The following LIMD1 variants were observed in gnomAD, a reference collection of about 807,000 sequenced individuals.
LIMD1 encodes the protein LIM domain containing 1.
Under a neutral mutation model 58.4 loss-of-function variants are expected in LIMD1, and 23 were observed. That is an observed-to-expected ratio of 0.39 (90% CI 0.28 to 0.56). LIMD1 has a LOEUF of 0.56. Ranked by LOEUF, LIMD1 falls within the 20% of genes least tolerant of loss-of-function variation. The pLI is 0.57. For synonymous variants in LIMD1, 334 were observed against 345.5 expected (o/e 0.97, Z 0.37); for missense variants, 838 against 855.5 (o/e 0.98, Z 0.25).
chr3:45,625,765 G>A (rs535492476), intron 1 of LIMD1, among the ~76,000 whole-genome samples: 1 of 152,294 alleles, frequency 6.6e-6, no homozygotes, highest in African/African-American at 2.4e-5. Context: ...GCAGTAAGAA[G>A]GCCCTTGGCA....
chr3:45,620,942 C>T (rs1221943153), intron 1 of LIMD1, among the ~76,000 whole-genome samples: 1 of 152,188 alleles, frequency 6.6e-6, no homozygotes, highest in African/African-American at 2.4e-5. Context: ...ACATCATGTA[C>T]ACCCATGTAT....
intron 1 of LIMD1, among the ~76,000 whole-genome samples, chr3:45,602,657 C>G (rs1005615553): frequency 6.6e-6 from 1 of 152,120 alleles, no homozygotes. Context: ...ATTTTACTTT[C>G]CTGGCAATGC....
At chr3:45,625,445 C>T (rs1009105960) in intron 1 of LIMD1, among the ~76,000 whole-genome samples, 2 of 152,238 alleles carry the variant, frequency 1.3e-5, no homozygotes, top group South Asian at 2.1e-4. Context: ...CCTAGAACAC[C>T]TTCCTGCTGA....
chr3:45,677,145 G>C lies in LIMD1; in HGVS notation c.*86G>C, dbSNP rs894194520. On this transcript the variant is annotated 3_prime_UTR_variant, in exon 8 of 8. Transcript: ENST00000273317. ...CCGGTGGCCCCTGGGGTGGAAGTGG[G>C]GTAGGGGAAGAGGAGGGGCAGGAGG... 6.0e-6 allele frequency: 9 copies of C among 1,496,354 alleles called. No individual in the cohort carries two copies. Among genetic ancestry groups the C allele is most frequent in the African/African-American group, 2.7e-5 (2 of 72,800 alleles). 92.7% of individuals were successfully genotyped at this position (1,496,354 alleles called of 1,614,324 possible). A position where few individuals can be genotyped will look rare whatever the true frequency, so the allele number is the denominator to read the frequency against.
At chr3:45,653,465 A>C (rs1445469097) in intron 2 of LIMD1, among the ~76,000 whole-genome samples, 1 of 152,126 alleles carries the variant, frequency 6.6e-6, no homozygotes, top group Non-Finnish European at 1.5e-5. Context: ...GCAAGGTTGG[A>C]CCCCAAGCCT....
At position 45,594,960 on chromosome 3, in the gene LIMD1, G is replaced by C; in HGVS notation, c.81G>C (p.Gly27=). 6.2e-7 allele frequency: 1 copy of C among 1,613,840 alleles called. No homozygotes were observed. The highest frequency in any genetic ancestry group is 8.5e-7 in the Non-Finnish European group (1 of 1,180,034). The change falls in exon 1 of 8, where the codon GGG becomes GGC. Residue 27 remains glycine (G), a synonymous_variant. Coordinates refer to ENST00000273317, the MANE Select transcript of LIMD1 (RefSeq NM_014240.3). The part of the protein sequence containing the change: ...DLNMYEASKD[G]LFRVDKGAGN... ...ACATGTATGAGGCCTCTAAGGATGG[G>C]CTCTTCCGAGTGGACAAGGGTGCAG... is the stretch of plus-strand genomic sequence containing the variant.
chr3:45,654,014 C>G (rs181431846), intron 2 of LIMD1, among the ~76,000 whole-genome samples: 7 of 151,102 alleles, frequency 4.6e-5, no homozygotes, highest in Admixed American at 3.3e-4. Flanking sequence ...TGCAGATATT[C>G]TAAAGCTTCC....
At chr3:45,598,801 T>C (rs942220407) in intron 1 of LIMD1, among the ~76,000 whole-genome samples, 24 of 152,188 alleles carry the variant, frequency 1.6e-4, no homozygotes, top group African/African-American at 5.8e-4. Flanking sequence ...ACCATGTGTT[T>C]TCCCAGGGAA....
chr3:45,626,934 G>A (rs932064766), intron 1 of LIMD1, among the ~76,000 whole-genome samples: 4 of 151,626 alleles, frequency 2.6e-5, no homozygotes, highest in African/African-American at 9.7e-5. Flanking sequence ...AATACTGGAA[G>A]GAAATAGGCC....
Position 45,594,839 on chromosome 3 carries a change from A to T in LIMD1, c.-41A>T. 1 of 1,244,660 alleles carries T rather than the reference A, an allele frequency of 8.0e-7. No individual in the cohort carries two copies. Among genetic ancestry groups the T allele is most frequent in the Non-Finnish European group, 1.1e-6 (1 of 886,872 alleles). 77.1% of individuals were successfully genotyped at this position (1,244,660 alleles called of 1,614,324 possible). On this transcript the variant is annotated 5_prime_UTR_variant, in exon 1 of 8. Coordinates refer to ENST00000273317, the MANE Select transcript of LIMD1 (RefSeq NM_014240.3). ...CACACACACACACACACACACACAC[A>T]CACACGGCACCTGGGCTAGGCCCGG...
rs975004653 is a variant in LIMD1, at chr3:45,686,009, C to G, written c.*8950C>G. On this transcript the variant is annotated 3_prime_UTR_variant, in exon 8 of 8. Transcript: ENST00000273317. ...TGTGCAAGCTGACTCCCAGCACATC[C>G]AAGAATGCAATTAACTGATAAGATA... The G allele has an allele frequency of 1.3e-5, 2 of 152,144 alleles. No individual in the cohort carries two copies. The highest frequency in any genetic ancestry group is 2.9e-5 in the Non-Finnish European group (2 of 68,014). 9.4% of individuals were successfully genotyped at this position (152,144 alleles called of 1,614,324 possible).
rs573742554 is a variant in LIMD1 at position 45,678,805 on chromosome 3, C to A, written c.*1746C>A. 8.5e-5 allele frequency: 13 copies of A among 152,338 alleles called. No homozygotes were observed. Among genetic ancestry groups the A allele is most frequent in the African/African-American group, 3.1e-4 (13 of 41,558 alleles). 9.4% of individuals were successfully genotyped at this position (152,338 alleles called of 1,614,324 possible). On this transcript the variant is annotated 3_prime_UTR_variant, in exon 8 of 8. Transcript: ENST00000273317. The stretch of plus-strand genomic sequence containing the variant: ...TCATTTGGTAACCATTGCCTGTAAG[C>A]AGCACAGAATTGGTGCCATGGATTA...
chr3:45,595,739 T>C lies in LIMD1; in HGVS notation c.860T>C (p.Val287Ala), dbSNP rs1432541538. 5 of 1,614,028 alleles carry C rather than the reference T, an allele frequency of 3.1e-6. No individual in the cohort carries two copies. The highest frequency in any genetic ancestry group is 3.4e-6 in the Non-Finnish European group (4 of 1,180,014). Residue 287 changes from valine to alanine, a missense_variant, in exon 1 of 8, where the codon GTG becomes GCG. Val to Ala is a moderately conservative substitution (Grantham distance 64, BLOSUM62 0). Coordinates refer to ENST00000273317, the MANE Select transcript of LIMD1 (RefSeq NM_014240.3). Reference protein sequence around the residue: ...SPNLENGAPAVGPVQPRTPSV... With the variant: ...SPNLENGAPAAGPVQPRTPSV... ...AACTTGGAGAACGGAGCACCAGCTG[T>C]GGGGCCTGTTCAGCCCAGGACCCCT...
In LIMD1 at chr3:45,651,217, T is replaced by C. The variant is rs765796866; in HGVS notation, c.1511-14433T>C. 2.6e-4 allele frequency among the ~76,000 whole-genome samples: 40 copies of C among 152,240 alleles called. 1 individual carries two copies. The highest frequency in any genetic ancestry group is 5.9e-5 in the Non-Finnish European group (4 of 68,052). On this transcript the variant is annotated intron_variant, in intron 2 of 7. Transcript: ENST00000273317. ...CTTGTAAATTTGTTTAAGTCCTTTG[T>C]AGATTCTGGATATTAGCCCTTTATC... is the stretch of plus-strand genomic sequence containing the variant.
intron 1 of LIMD1, among the ~76,000 whole-genome samples, chr3:45,597,321 C>T (rs918544697): frequency 1.3e-5 from 2 of 152,188 alleles, no homozygotes; most frequent in Non-Finnish European, 2.9e-5. Flanking sequence ...GAGATTTGAG[C>T]CCTGCCGCAC....
chr3:45,678,748 G>C lies in LIMD1; in HGVS notation c.*1689G>C, dbSNP rs566729785. On this transcript the variant is annotated 3_prime_UTR_variant, in exon 8 of 8. Transcript: ENST00000273317. ...ACGTGTGAACTCAGGCTTTTCATTG[G>C]GCCCGGCTCCACTTCTAGGCCATGT... 13 of 152,290 alleles carry C rather than the reference G, an allele frequency of 8.5e-5. No individual in the cohort carries two copies. Among genetic ancestry groups the C allele is most frequent in the African/African-American group, 3.1e-4 (13 of 41,536 alleles). 9.4% of individuals were successfully genotyped at this position (152,290 alleles called of 1,614,324 possible).
intron 1 of LIMD1, among the ~76,000 whole-genome samples, chr3:45,604,954 A>G (rs915273751): frequency 6.6e-6 from 1 of 152,228 alleles, no homozygotes; most frequent in African/African-American, 2.4e-5. Context: ...TGACATGATC[A>G]TTCTTGCCAG....
At chr3:45,630,541 G>A (rs1297140069) in intron 1 of LIMD1, among the ~76,000 whole-genome samples, 2 of 152,294 alleles carry the variant, frequency 1.3e-5, no homozygotes, top group South Asian at 2.1e-4. Context: ...CCCAGGGAGA[G>A]GCCTTGTGAT....
chr3:45,624,321 G>A (rs1475852896), intron 1 of LIMD1, among the ~76,000 whole-genome samples: 4 of 152,122 alleles, frequency 2.6e-5, no homozygotes, highest in Non-Finnish European at 5.9e-5. Flanking sequence ...TCTTCACTGA[G>A]AGGGAAGTGG....
Sources: allele counts gnomAD v4.1 joint callset (sites outside exome capture counted in the v4.1 genomes callset), GRCh38; gene constraint gnomAD v4.1.1; transcripts MANE v1.5; gene names NCBI Gene and HGNC (gene_info 2026-07-23, HGNC 2026-07-21).